The following RORB variants were observed in gnomAD, a reference collection of about 807,000 sequenced individuals.
RORB encodes RAR related orphan receptor B.
RORB carries 6 observed loss-of-function variants against 59.1 expected under a neutral mutation model. The ratio of observed to expected loss-of-function variants is 0.10; its 90% CI spans 0.06 to 0.20. The LOEUF is 0.20. Among genes scored for constraint, RORB ranks in the 10% least tolerant of loss-of-function variants. The pLI, the probability that RORB is intolerant of heterozygous loss-of-function variation, is 1.00. For synonymous variants in RORB, 215 were observed against 204.5 expected, an observed-to-expected ratio of 1.05 and a Z score of -0.44; for missense variants, 320 against 560.5, an observed-to-expected ratio of 0.57 and a Z score of 4.33.
At chr9:74,663,569 A>G (rs1265588718) in intron 6 of RORB, among the ~76,000 whole-genome samples, 1 of 152,208 alleles carries the variant, frequency 6.6e-6, no homozygotes, top group African/African-American at 2.4e-5. Flanking sequence ...AACCACTGCA[A>G]AATTTAACTA....
At chr9:74,576,546 T>C (rs1407842) in intron 1 of RORB, among the ~76,000 whole-genome samples, 145,593 of 152,132 alleles carry the variant, frequency 0.96, 70,006 homozygotes, top group East Asian at 1. Context: ...GTACATGTCA[T>C]GATGATTATA....
intron 1 of RORB, among the ~76,000 whole-genome samples, chr9:74,609,835 G>A (rs1038842362): frequency 2.6e-5 from 4 of 152,134 alleles, no homozygotes; most frequent in African/African-American, 4.8e-5. Flanking sequence ...GTCCCCAGGG[G>A]GTATTTGGCA....
chr9:74,640,375 G>A (rs1219778846), intron 3 of RORB, among the ~76,000 whole-genome samples: 2 of 152,008 alleles, frequency 1.3e-5, no homozygotes, highest in African/African-American at 4.8e-5. Flanking sequence ...CGAGTAGCTG[G>A]GAAGACAAAG....
At chr9:74,634,495 A>G in intron 2 of RORB, 136 bp from the exon 3 acceptor site, 2 of 709,262 alleles carry the variant, frequency 2.8e-6, no homozygotes, top group Non-Finnish European at 4.4e-6. Context: ...AAGCCATACA[A>G]GAAGAGGTAT....
In RORB at chr9:74,665,536, T is replaced by C. The variant is rs143821870; in HGVS notation, c.941T>C (p.Leu314Ser). 2 of 1,612,996 alleles carry C rather than the reference T, an allele frequency of 1.2e-6. No individual in the cohort carries two copies. The highest frequency in any genetic ancestry group is 2.7e-5 in the African/African-American group (2 of 74,932). The change falls in exon 7 of 10, where the codon TTA (leucine) becomes TCA (serine). Residue 314 changes from leucine (L) to serine (S), a missense_variant. By Grantham distance (145) the Leu-to-Ser change is moderately radical (BLOSUM62 -2). This residue lies in a region of RORB where 109 missense variants were observed against 171.0 expected (regional missense o/e 0.64). Coordinates refer to ENST00000376896, the MANE Select transcript of RORB (RefSeq NM_006914.4). Reference protein sequence around the residue: ...LVRMCRAFNPLNNTVLFEGKY... With the variant: ...LVRMCRAFNPSNNTVLFEGKY... ...AGAATGTGCCGTGCCTTCAACCCAT[T>C]AAACAACACTGTTCTGTTTGAAGGA...
At chr9:74,599,612 T>G (rs1823023669) in intron 1 of RORB, among the ~76,000 whole-genome samples, 1 of 152,192 alleles carries the variant, frequency 6.6e-6, no homozygotes. Context: ...TGCTAAAATG[T>G]TTACAAAACT....
intron 1 of RORB, among the ~76,000 whole-genome samples, chr9:74,628,790 T>C (rs1823564678): frequency 6.6e-6 from 1 of 152,230 alleles, no homozygotes; most frequent in Non-Finnish European, 1.5e-5. Context: ...GATCTTCTAG[T>C]GTGTATAATT....
chr9:74,666,726 C>A (rs1038501887), intron 7 of RORB, among the ~76,000 whole-genome samples: 1 of 152,162 alleles, frequency 6.6e-6, no homozygotes, highest in African/African-American at 2.4e-5. Flanking sequence ...GTTCTGGGAG[C>A]ACAGAGTTCA....
At chr9:74,682,842 T>C (rs1587422962) in intron 9 of RORB, among the ~76,000 whole-genome samples, 2 of 152,242 alleles carry the variant, frequency 1.3e-5, no homozygotes, top group Non-Finnish European at 2.9e-5. Context: ...TCCTCTTGCC[T>C]CAGCCTCTAC....
At chr9:74,560,255 G>A (rs1288376646) in intron 1 of RORB, among the ~76,000 whole-genome samples, 2 of 152,130 alleles carry the variant, frequency 1.3e-5, no homozygotes, top group Non-Finnish European at 2.9e-5. Context: ...TGCAAGTCAC[G>A]ACTTGAAATG....
chr9:74,583,928 C>T (rs1272035342), intron 1 of RORB, among the ~76,000 whole-genome samples: 1 of 152,180 alleles, frequency 6.6e-6, no homozygotes, highest in African/African-American at 2.4e-5. Context: ...AGACTGAGCA[C>T]TTTGATGGTG....
chr9:74,667,662 TAAA>T, intron 7 of RORB, 126 bp from the exon 8 acceptor site: 1 of 578,186 alleles, frequency 1.7e-6, no homozygotes, highest in Non-Finnish European at 3.1e-6. Flanking sequence ...ATTAGAAACT[TAAA>T]AAAATATCTT....
chr9:74,672,154 A>G (rs1009543108), intron 9 of RORB, among the ~76,000 whole-genome samples: 2 of 152,212 alleles, frequency 1.3e-5, no homozygotes, highest in African/African-American at 4.8e-5. Flanking sequence ...AATGAAACCA[A>G]GGGTGTTTCA....
At chr9:74,521,350 G>A (rs1826083062) in intron 1 of RORB, among the ~76,000 whole-genome samples, 1 of 151,756 alleles carries the variant, frequency 6.6e-6, no homozygotes, top group Admixed American at 6.6e-5. Context: ...ATTAACTAAA[G>A]TGTTTCTTTT....
chr9:74,567,909 G>A (rs1822492842), intron 1 of RORB, among the ~76,000 whole-genome samples: 2 of 152,330 alleles, frequency 1.3e-5, no homozygotes, highest in South Asian at 4.1e-4. Flanking sequence ...GAACTGCCAG[G>A]TGACTTGTCA....
chr9:74,642,512 A>T lies in RORB; in HGVS notation c.334A>T (p.Ser112Cys), dbSNP rs370887256. 1.2e-6 allele frequency: 2 copies of T among 1,614,198 alleles called. No individual in the cohort carries two copies. The highest frequency in any genetic ancestry group is 1.1e-5 in the South Asian group (1 of 91,082). The change falls in exon 4 of 10, where the codon AGT (serine) becomes TGT (cysteine). Residue 112 changes from serine (S) to cysteine (C), a missense_variant. Physicochemically the swap from Ser to Cys is moderately radical, Grantham distance 112. Around this residue, in one of 4 missense-constraint regions of RORB, gnomAD observed 134 missense variants for 156.2 expected, o/e 0.86. Coordinates refer to ENST00000376896, the MANE Select transcript of RORB (RefSeq NM_006914.4). ...GCTGCAGGAACAGCGGCAGCAGCAG[A>T]GTGGGGAGGCAGAAGCCCTTGCCAG... is the stretch of plus-strand genomic sequence containing the variant. Reference protein sequence around the residue: ...QRLQEQRQQQSGEAEALARVY... With the variant: ...QRLQEQRQQQCGEAEALARVY...
intron 1 of RORB, among the ~76,000 whole-genome samples, chr9:74,530,878 C>A (rs764295244): frequency 2.0e-5 from 3 of 151,914 alleles, no homozygotes; most frequent in Non-Finnish European, 4.4e-5. Context: ...CCCCCTACCC[C>A]CTACCCCACG....
chr9:74,667,662 TA>T, intron 7 of RORB, 128 bp from the exon 8 acceptor site: 1 of 578,186 alleles, frequency 1.7e-6, no homozygotes, highest in Non-Finnish European at 3.1e-6. Context: ...ATTAGAAACT[TA>T]AAAAAATATC....
chr9:74,659,994 T>TA (rs56771397), intron 4 of RORB, among the ~76,000 whole-genome samples: 98,029 of 151,906 alleles, frequency 0.65, 32,043 homozygotes, highest in East Asian at 0.89. Flanking sequence ...TATCAACTCA[T>TA]AGCCAATATT....
Sources: allele counts gnomAD v4.1 joint callset (sites outside exome capture counted in the v4.1 genomes callset), GRCh38; gene constraint gnomAD v4.1.1; regional missense constraint gnomAD v4.1.1; transcripts MANE v1.5; gene names NCBI Gene and HGNC (gene_info 2026-07-23, HGNC 2026-07-21).